Variants in PRMT8 observed in about 807,000 individuals in gnomAD.
PRMT8 encodes protein arginine methyltransferase 8.
PRMT8 carries 7 observed loss-of-function variants against 47.1 expected under a neutral mutation model. The observed-to-expected ratio is 0.15, with a 90% confidence interval of 0.08 to 0.28. The LOEUF (loss-of-function observed/expected upper bound fraction) is 0.28. Among genes scored for constraint, PRMT8 ranks in the 10% least tolerant of loss-of-function variants. PRMT8 has a pLI of 1.00. For synonymous variants in PRMT8, 188 were observed against 186.5 expected, an observed-to-expected ratio of 1.01 and a Z score of -0.07; for missense variants, 237 against 505.4, an observed-to-expected ratio of 0.47 and a Z score of 5.09.
chr12:3,410,611 C>T (rs544553470), intron 1 of PRMT8, among the ~76,000 whole-genome samples: 4 of 152,302 alleles, frequency 2.6e-5, no homozygotes, highest in East Asian at 3.9e-4. Flanking sequence ...TGGATTCAAG[C>T]GATTCTGCTG....
At chr12:3,421,150 A>T (rs1864536493) in intron 1 of PRMT8, among the ~76,000 whole-genome samples, 1 of 152,206 alleles carries the variant, frequency 6.6e-6, no homozygotes, top group Non-Finnish European at 1.5e-5. Context: ...TTGTTTTTTT[A>T]AAATGAGGAA....
rs1330982492 is a variant in PRMT8 at position 3,412,008 on chromosome 12, G to A, written c.48+30566G>A. Among the ~76,000 whole-genome samples the A allele has an allele frequency of 2.0e-5, 3 of 152,228 alleles. No individual in the cohort carries two copies. In the East Asian group the frequency reaches 5.8e-4, roughly 29 times the overall value. ...AATCAAAGATTGAAGATACAGGCAT[G>A]CATTGTTTAACAATGGGGATATATT... On this transcript the variant is annotated intron_variant, in intron 1 of 9. Transcript: ENST00000452611.
intron 1 of PRMT8, among the ~76,000 whole-genome samples, chr12:3,480,049 C>T (rs1865258322): frequency 6.6e-6 from 1 of 152,142 alleles, no homozygotes; most frequent in South Asian, 2.1e-4. Context: ...ATCAGCAAGC[C>T]TCTTCCATGG....
At chr12:3,442,335 G>T (rs1204479433) in intron 1 of PRMT8, among the ~76,000 whole-genome samples, 2 of 151,112 alleles carry the variant, frequency 1.3e-5, no homozygotes, top group Non-Finnish European at 3.0e-5. Context: ...AAATGAGAAA[G>T]AATAAAAAAA....
intron 1 of PRMT8, among the ~76,000 whole-genome samples, chr12:3,482,506 C>T (rs546287213): frequency 1.3e-5 from 2 of 152,328 alleles, no homozygotes; most frequent in South Asian, 4.1e-4. Flanking sequence ...GCTATGTCTT[C>T]AACACCTGCA....
At chr12:3,457,643 T>TGA (rs1248893300) in intron 1 of PRMT8, among the ~76,000 whole-genome samples, 2 of 152,076 alleles carry the variant, frequency 1.3e-5, no homozygotes, top group Admixed American at 6.5e-5. Flanking sequence ...ACCTTGACCT[T>TGA]GAGCTCATCC....
At chr12:3,480,426 A>G (rs1865261542) in intron 1 of PRMT8, among the ~76,000 whole-genome samples, 1 of 152,342 alleles carries the variant, frequency 6.6e-6, no homozygotes, top group Admixed American at 6.5e-5. Context: ...AGAATGGAAG[A>G]GTTGAAAGTG....
intron 1 of PRMT8, among the ~76,000 whole-genome samples, chr12:3,473,154 G>T (rs1865176743): frequency 1.3e-5 from 2 of 152,108 alleles, no homozygotes; most frequent in Non-Finnish European, 2.9e-5. Flanking sequence ...AGCATCACCT[G>T]CATGCACTGT....
chr12:3,406,549 C>A (rs575590986), intron 1 of PRMT8, among the ~76,000 whole-genome samples: 1 of 152,312 alleles, frequency 6.6e-6, no homozygotes, highest in African/African-American at 2.4e-5. Flanking sequence ...TACCCTAAAT[C>A]ATCTCTCTCA....
intron 1 of PRMT8, among the ~76,000 whole-genome samples, chr12:3,539,026 G>T (rs943769818): frequency 6.6e-6 from 1 of 152,166 alleles, no homozygotes; most frequent in African/African-American, 2.4e-5. Context: ...TTCCACGGAG[G>T]GGTTGAAATA....
rs543083446 is a variant in PRMT8 at position 3,556,673 on chromosome 12, T to A, written c.481+2959T>A. 1.2e-3 allele frequency among the ~76,000 whole-genome samples: 175 copies of A among 150,542 alleles called. No individual in the cohort carries two copies. In the Middle Eastern group the frequency reaches 0.014, roughly 12 times the overall value. On this transcript the variant is annotated intron_variant, in intron 4 of 9. Transcript: ENST00000382622. The stretch of plus-strand genomic sequence containing the variant: ...GTGGCATTAAGGGAAGAAGTTTTTT[T>A]AAAAAAAAAATAGGAGATATGAAAA...
At chr12:3,382,667 T>C (rs1864103273) in intron 1 of PRMT8, among the ~76,000 whole-genome samples, 1 of 152,160 alleles carries the variant, frequency 6.6e-6, no homozygotes, top group South Asian at 2.1e-4. Context: ...TTGTGGGTTA[T>C]TTTTTTCATC....
chr12:3,580,655 G>A lies in PRMT8; in HGVS notation c.829-2403G>A, dbSNP rs1591614313. On this transcript the variant is annotated intron_variant, in intron 7 of 9. Transcript: ENST00000382622. The surrounding 1 kb of genome is among the most constrained non-coding windows in gnomAD (Gnocchi z 4.6). ...TGAAGGCTTCAGTGTATCGGCCAGG[G>A]CAAGGGCGAAGGTGGTGAGACTGCG... Among the ~76,000 whole-genome samples the A allele has an allele frequency of 1.3e-5, 2 of 152,140 alleles. No homozygotes were observed. Among genetic ancestry groups the A allele is most frequent in the Non-Finnish European group, 1.5e-5 (1 of 68,028 alleles).
At chr12:3,464,861 A>T (rs1399465489) in intron 1 of PRMT8, among the ~76,000 whole-genome samples, 3 of 152,112 alleles carry the variant, frequency 2.0e-5, no homozygotes. Flanking sequence ...ACTCCTGCTC[A>T]CACCTGTAAT....
chr12:3,467,295 C>T (rs1056662190), intron 1 of PRMT8, among the ~76,000 whole-genome samples: 2 of 143,046 alleles, frequency 1.4e-5, no homozygotes, highest in Admixed American at 1.4e-4. Context: ...GATGAGTTCA[C>T]ACGGCAGTGA....
At position 3,508,922 on chromosome 12, in the gene PRMT8, C is replaced by G. The variant is rs1481002517; in HGVS notation, c.75+17222C>G. ...AAGCCTGAACTCTGCTCTCTCCTTT[C>G]TCCATAACAAGACCTGGCGATTCTA... On this transcript the variant is annotated intron_variant, in intron 1 of 9. Coordinates refer to ENST00000382622, the MANE Select transcript of PRMT8 (RefSeq NM_019854.5). The surrounding 1 kb of genome is among the most constrained non-coding windows in gnomAD (Gnocchi z 4.9). 6.6e-6 allele frequency among the ~76,000 whole-genome samples: 1 copy of G among 152,170 alleles called. No individual in the cohort carries two copies. Among genetic ancestry groups the G allele is most frequent in the Non-Finnish European group, 1.5e-5 (1 of 68,022 alleles).
intron 4 of PRMT8, 152 bp from the exon 5 acceptor site, chr12:3,568,554 A>G (rs959957890): frequency 3.8e-6 from 3 of 791,110 alleles, no homozygotes; most frequent in Non-Finnish European, 6.0e-6. Flanking sequence ...TTATGTTGGT[A>G]TAAACTAGTT....
chr12:3,430,026 G>A lies in PRMT8; in HGVS notation c.48+48584G>A, dbSNP rs1425673524. Among the ~76,000 whole-genome samples, 4 of 152,346 alleles carry A rather than the reference G, an allele frequency of 2.6e-5. No individual in the cohort carries two copies. The East Asian group carries it at 7.7e-4, about 29-fold the overall frequency. On this transcript the variant is annotated intron_variant, in intron 1 of 9. Transcript: ENST00000452611. ...CCCCTCAGACACCAAGTTGTAGAAG[G>A]AAAGGGCTTTATTCAGCTGGGAGCA... is the stretch of plus-strand genomic sequence containing the variant.
In PRMT8 at chr12:3,491,378, G is replaced by A; in HGVS notation, c.-248G>A. ...GCGGGTGGAGAGGGGCGGGGAGGGG[G>A]TCGGGGGCACGAGAAGAACTTGAAA... On this transcript the variant is annotated 5_prime_UTR_variant, in exon 1 of 10. Coordinates refer to ENST00000382622, the MANE Select transcript of PRMT8 (RefSeq NM_019854.5). 7 of 1,218,898 alleles carry A rather than the reference G, an allele frequency of 5.7e-6. No homozygotes were observed. Among genetic ancestry groups the A allele is most frequent in the Non-Finnish European group, 7.2e-6 (7 of 976,810 alleles). 75.5% of individuals were successfully genotyped at this position (1,218,898 alleles called of 1,614,324 possible).
Sources: allele counts gnomAD v4.1 joint callset (sites outside exome capture counted in the v4.1 genomes callset), GRCh38; gene constraint gnomAD v4.1.1; non-coding constraint Gnocchi (gnomAD v3.1); transcripts MANE v1.5; gene names NCBI Gene and HGNC (gene_info 2026-07-23, HGNC 2026-07-21).